The following SHQ1 variants were observed in gnomAD, a reference collection of about 807,000 sequenced individuals.
The protein encoded by SHQ1 is protein SHQ1 homolog.
Under a neutral mutation model 53.8 loss-of-function variants are expected in SHQ1, and 49 were observed. The observed-to-expected ratio is 0.91, with a 90% CI of 0.72 to 1.16. The LOEUF (loss-of-function observed/expected upper bound fraction) is 1.16. SHQ1 is among the 50% of genes most tolerant of loss of function. The pLI is 0.00. For synonymous variants in SHQ1, 243 were observed against 251.0 expected (o/e 0.97, Z 0.30); for missense variants, 738 against 683.1 (o/e 1.08, Z -0.90).
In SHQ1 at chr3:72,773,299, T is replaced by C. The variant is rs190612548; in HGVS notation, c.1181+19617A>G. ...AAGGGACAAGAAAGATAAAGAAAAA[T>C]TGGAATCTAGCTCCAAAGACAAGAA... On this transcript the variant is annotated intron_variant, in intron 10 of 10. Transcript: ENST00000325599. The C allele has an allele frequency of 4.9e-4, 304 of 622,818 alleles. 1 individual carries two copies. The African/African-American group carries it at 4.9e-3, about 10-fold the overall frequency. The allele number at this position is 622,818 out of a possible 1,614,324, so 38.6% of individuals were successfully genotyped here.
intron 7 of SHQ1, 122 bp downstream of exon 7, chr3:72,817,107 CT>C (rs1707341548): frequency 9.4e-7 from 1 of 1,059,554 alleles, no homozygotes; most frequent in African/African-American, 1.6e-5. Flanking sequence ...TGCAACTCTG[CT>C]GGGGGCATCC....
intron 4 of SHQ1, among the ~76,000 whole-genome samples, chr3:72,834,023 G>C (rs962961731): frequency 6.6e-6 from 1 of 152,236 alleles, no homozygotes; most frequent in Non-Finnish European, 1.5e-5. Context: ...AAGTTTAAAA[G>C]TTGATGGCTG....
At chr3:72,798,290 A>T (rs1216872564) in intron 9 of SHQ1, among the ~76,000 whole-genome samples, 1 of 152,230 alleles carries the variant, frequency 6.6e-6, no homozygotes, top group Non-Finnish European at 1.5e-5. Flanking sequence ...CCCAAGAGTT[A>T]GGGATTCTCT....
rs1559656337 is a variant in SHQ1, at chr3:72,749,403, A to G, written c.*881T>C. The G allele has an allele frequency of 4.4e-6, 1 of 226,062 alleles. No homozygotes were observed. The highest frequency in any genetic ancestry group is 6.3e-5 in the East Asian group (1 of 15,764). The allele number at this position is 226,062 out of a possible 1,614,324, so 14.0% of individuals were successfully genotyped here. A position where few individuals can be genotyped will look rare whatever the true frequency, so the allele number is the denominator to read the frequency against. On this transcript the variant is annotated 3_prime_UTR_variant, in exon 11 of 11. Transcript: ENST00000325599. ...CAGTACTCAGCAATGAAAAACATAAAAACAAAAACTCGTGACACATGCTAC... is the reference window on the plus strand; with the variant it reads ...CAGTACTCAGCAATGAAAAACATAAGAACAAAAACTCGTGACACATGCTAC...
At chr3:72,792,627 A>C (rs1706474474) in intron 10 of SHQ1, among the ~76,000 whole-genome samples, 1 of 152,058 alleles carries the variant, frequency 6.6e-6, no homozygotes, top group Non-Finnish European at 1.5e-5. Flanking sequence ...CTCTACTAAA[A>C]ATAAAAAATT....
chr3:72,770,380 T>C (rs1705822062), intron 10 of SHQ1, among the ~76,000 whole-genome samples: 1 of 152,270 alleles, frequency 6.6e-6, no homozygotes, highest in African/African-American at 2.4e-5. Context: ...ACATTTCTAA[T>C]GACAGGGGAC....
rs115272422 is a variant in SHQ1 at position 72,835,344 on chromosome 3, G to A, written c.487-2863C>T. Reference sequence around the variant, plus strand: ...AGGCCTCAATACATTCAATAATGTCGGTTTCCTTTCTCTCTGTCTCCCTCT... The same window carrying A: ...AGGCCTCAATACATTCAATAATGTCAGTTTCCTTTCTCTCTGTCTCCCTCT... On this transcript the variant is annotated intron_variant, in intron 4 of 10. Coordinates refer to ENST00000325599, the MANE Select transcript of SHQ1 (RefSeq NM_018130.3). Among the ~76,000 whole-genome samples, 776 of 152,010 alleles carry A rather than the reference G, an allele frequency of 5.1e-3. 8 individuals are homozygous for A. The highest frequency in any genetic ancestry group is 0.018 in the African/African-American group (746 of 41,454).
At chr3:72,788,604 C>A (rs1706331255) in intron 10 of SHQ1, among the ~76,000 whole-genome samples, 1 of 152,132 alleles carries the variant, frequency 6.6e-6, no homozygotes, top group African/African-American at 2.4e-5. Context: ...TGAGAACAGG[C>A]CATGATGACG....
At chr3:72,764,743 A>C (rs1705685164) in intron 10 of SHQ1, among the ~76,000 whole-genome samples, 1 of 152,172 alleles carries the variant, frequency 6.6e-6, no homozygotes, top group African/African-American at 2.4e-5. Context: ...TCTTTTTAAC[A>C]AGACTCCCAG....
At chr3:72,831,762 A>G (rs748894041) in intron 5 of SHQ1, among the ~76,000 whole-genome samples, 1 of 152,248 alleles carries the variant, frequency 6.6e-6, no homozygotes, top group Non-Finnish European at 1.5e-5. Flanking sequence ...TCTGTTAATT[A>G]GATAAGTTCT....
chr3:72,761,403 C>T (rs960812220), intron 10 of SHQ1, among the ~76,000 whole-genome samples: 6 of 152,284 alleles, frequency 3.9e-5, no homozygotes, highest in Middle Eastern at 3.4e-3. Context: ...AACTCCTGGG[C>T]TCAAGCGACC....
At chr3:72,732,373 C>A in the SHQ1 span, among the ~76,000 whole-genome samples, 2 of 131,002 alleles carry the variant, frequency 1.5e-5, no homozygotes, top group Non-Finnish European at 3.2e-5. Flanking sequence ...TGCCTGCCTG[C>A]CTGCCTGCCT....
chr3:72,815,274 AC>A (rs1417713788), intron 8 of SHQ1, 75 bp downstream of exon 8: 51 of 1,200,574 alleles, frequency 4.2e-5, no homozygotes, highest in Middle Eastern at 2.0e-4. Context: ...TGCTTGAATT[AC>A]CCCAAATGAT....
intron 10 of SHQ1, among the ~76,000 whole-genome samples, chr3:72,775,198 AAAAC>A (rs540589748): frequency 1.1e-4 from 17 of 152,206 alleles, no homozygotes; most frequent in Non-Finnish European, 2.1e-4. Context: ...TAAAAACAAA[AAAAC>A]AAAGAGAGAG....
the SHQ1 span, among the ~76,000 whole-genome samples, chr3:72,744,213 TCTC>T: frequency 3.9e-5 from 6 of 152,170 alleles, no homozygotes; most frequent in Non-Finnish European, 1.5e-5. Context: ...TGCCAATTCT[TCTC>T]CTGAATACTC....
At chr3:72,740,663 C>A in the SHQ1 span, among the ~76,000 whole-genome samples, 59 of 152,264 alleles carry the variant, frequency 3.9e-4, no homozygotes, top group African/African-American at 1.4e-3. Flanking sequence ...CGTTATGGAG[C>A]CTCGGACTGA....
intron 10 of SHQ1, among the ~76,000 whole-genome samples, chr3:72,780,254 C>A (rs910330302): frequency 2.0e-5 from 3 of 152,112 alleles, no homozygotes; most frequent in African/African-American, 7.2e-5. Context: ...GAAAGCTTGA[C>A]CTGTATGATT....
the SHQ1 span, among the ~76,000 whole-genome samples, chr3:72,733,993 C>T: frequency 6.6e-6 from 1 of 150,952 alleles, no homozygotes; most frequent in Non-Finnish European, 1.5e-5. Context: ...CATGGCAAAA[C>T]CCAATCTCTA....
chr3:72,752,845 A>T, intron 10 of SHQ1: 1 of 321,388 alleles, frequency 3.1e-6, no homozygotes, highest in Non-Finnish European at 4.5e-6. Flanking sequence ...TTGTATTTTT[A>T]GTAGAGATGA....
Sources: allele counts gnomAD v4.1 joint callset (sites outside exome capture counted in the v4.1 genomes callset), GRCh38; gene constraint gnomAD v4.1.1; transcripts MANE v1.5; gene names NCBI Gene and HGNC (gene_info 2026-07-23, HGNC 2026-07-21).